Variants in ZNF540 observed in about 807,000 individuals in gnomAD.
The protein encoded by ZNF540 is CTD-3064H18.6.
Under a neutral mutation model 11.8 loss-of-function variants are expected in ZNF540, and 3 were observed. The observed-to-expected ratio is 0.25, with a 90% confidence interval of 0.12 to 0.65. The LOEUF is 0.65. Ranked by LOEUF, ZNF540 falls within the 30% of genes least tolerant of loss-of-function variation. The pLI is 0.83. For synonymous variants in ZNF540, 247 were observed against 259.0 expected, an observed-to-expected ratio of 0.95 and a Z score of 0.45; for missense variants, 709 against 793.1, an observed-to-expected ratio of 0.89 and a Z score of 1.27.
At chr19:37,565,670 C>A (rs764552585) in intron 1 of ZNF540, 2 of 1,613,500 alleles carry the variant, frequency 1.2e-6, no homozygotes, top group Admixed American at 3.3e-5. Context: ...ACATTTCTTA[C>A]ATTCATATGG....
upstream of ZNF540, among the ~76,000 whole-genome samples, chr19:37,593,602 C>A (rs1309512166): frequency 6.6e-6 from 1 of 152,078 alleles, no homozygotes; most frequent in Non-Finnish European, 1.5e-5. Flanking sequence ...ACTCGGGAGG[C>A]TTAGGCAGGA....
intron 1 of ZNF540, chr19:37,586,628 A>G: frequency 6.2e-7 from 1 of 1,613,152 alleles, no homozygotes; most frequent in Non-Finnish European, 8.5e-7. Context: ...TTACACAACA[A>G]AATGATTGTA....
chr19:37,565,675 A>T (rs1365703464), intron 1 of ZNF540: 1 of 1,613,660 alleles, frequency 6.2e-7, no homozygotes, highest in East Asian at 2.2e-5. Flanking sequence ...TCTTACATTC[A>T]TATGGTTTCT....
chr19:37,577,434 C>CA (rs1345239104), intron 1 of ZNF540, among the ~76,000 whole-genome samples: 2 of 152,090 alleles, frequency 1.3e-5, no homozygotes, highest in Non-Finnish European at 2.9e-5. Context: ...TTACTCACAA[C>CA]ATAAAGTATA....
rs2044139717 is a variant in ZNF540, at chr19:37,612,512, T to C, written c.1232T>C (p.Phe411Ser). The C allele has an allele frequency of 6.2e-7, 1 of 1,614,120 alleles. No individual in the cohort carries two copies. Among genetic ancestry groups the C allele is most frequent in the Non-Finnish European group, 8.5e-7 (1 of 1,180,008 alleles). Residue 411 changes from phenylalanine to serine, a missense_variant, in exon 5 of 5, where the codon TTT becomes TCT. Coordinates refer to ENST00000316433, the MANE Select transcript of ZNF540 (RefSeq NM_001172225.3). ...ACAATCCATACTGGTATAAAACCTT[T>C]TGCATGTAAGGTGTGTGAGAAGGCT... Reference protein sequence around the residue: ...HKTIHTGIKPFACKVCEKAFS... With the variant: ...HKTIHTGIKPSACKVCEKAFS...
chr19:37,578,840 G>T (rs927654834), intron 1 of ZNF540, among the ~76,000 whole-genome samples: 14 of 152,334 alleles, frequency 9.2e-5, no homozygotes, highest in African/African-American at 3.4e-4. Flanking sequence ...CTAAACTCTG[G>T]TGGCCTGAGG....
In ZNF540 at chr19:37,613,253, A is replaced by G; in HGVS notation, c.1973A>G (p.Asn658Ser). 6.7e-7 allele frequency: 1 copy of G among 1,492,412 alleles called. No individual in the cohort carries two copies. The highest frequency in any genetic ancestry group is 1.4e-5 in the African/African-American group (1 of 71,622). 92.4% of individuals were successfully genotyped at this position (1,492,412 alleles called of 1,614,324 possible). A position where few individuals can be genotyped will look rare whatever the true frequency, so the allele number is the denominator to read the frequency against. The change falls in exon 5 of 5, where the codon AAT becomes AGT. Residue 658 changes from asparagine (N) to serine (S), a missense_variant. Physicochemically the swap from Asn to Ser is conservative, Grantham distance 46. Coordinates refer to ENST00000316433, the MANE Select transcript of ZNF540 (RefSeq NM_001172225.3). ...SHLYQHQKTH[N>S]VI ...CTTTATCAACATCAGAAAACTCATAATGTAATTTAATATAAGAAAAGGTTT... is the reference window on the plus strand; with the variant it reads ...CTTTATCAACATCAGAAAACTCATAGTGTAATTTAATATAAGAAAAGGTTT...
At chr19:37,556,119 G>A in intron 1 of ZNF540, 1 of 702,710 alleles carries the variant, frequency 1.4e-6, no homozygotes, top group Non-Finnish European at 2.6e-6. Context: ...TCCTGCTTTT[G>A]GGACCGGCAG....
chr19:37,580,401 T>G (rs564358148), intron 1 of ZNF540, among the ~76,000 whole-genome samples: 1 of 152,370 alleles, frequency 6.6e-6, no homozygotes, highest in South Asian at 2.1e-4. Context: ...AAATCCATTT[T>G]GTATTTGTAG....
chr19:37,608,352 G>C (rs1411790520), intron 4 of ZNF540, among the ~76,000 whole-genome samples: 1 of 152,094 alleles, frequency 6.6e-6, no homozygotes, highest in Non-Finnish European at 1.5e-5. Flanking sequence ...TTCTATTACA[G>C]TGTTTTTGAT....
chr19:37,561,263 G>T (rs532469485), intron 1 of ZNF540, among the ~76,000 whole-genome samples: 1 of 151,992 alleles, frequency 6.6e-6, no homozygotes, highest in South Asian at 2.1e-4. Context: ...TTATAAAATT[G>T]ATCTAGACAA....
chr19:37,594,862 T>G (rs1026355714), upstream of ZNF540: 3 of 152,252 alleles, frequency 2.0e-5, no homozygotes, highest in Admixed American at 6.5e-5. Context: ...GGATCGTGTC[T>G]GCGCAGGCCC....
In ZNF540 at chr19:37,612,709, C is replaced by T. The variant is rs765065304; in HGVS notation, c.1429C>T (p.Arg477Ter). The T allele has an allele frequency of 1.5e-5, 24 of 1,613,634 alleles. 1 individual carries two copies. The Admixed American group carries it at 1.8e-4, about 12-fold the overall frequency. Residue 477 changes from arginine (R) to a stop codon, truncating the protein, a stop_gained, in exon 5 of 5, where the codon CGA becomes TGA. Transcript: ENST00000316433. LOFTEE classifies it low-confidence loss of function (END_TRUNC). ...ATGTAAGGAATGTGGGAAGACCTTT[C>T]GAGTTCGTTCTCAAATTAGTCTACA... ...YECKECGKTF[R>*]VRSQISLHKK...
chr19:37,578,243 G>A (rs757367876), intron 1 of ZNF540, among the ~76,000 whole-genome samples: 6 of 152,184 alleles, frequency 3.9e-5, no homozygotes, highest in Non-Finnish European at 8.8e-5. Context: ...AGAAGACCAT[G>A]TCAGGATTTA....
At chr19:37,584,236 C>G (rs2043581155) in intron 1 of ZNF540, 1 of 1,106,064 alleles carries the variant, frequency 9.0e-7, no homozygotes, top group Non-Finnish European at 1.3e-6. Flanking sequence ...TAGTATTAAC[C>G]TGATTCTCTA....
chr19:37,552,274 G>C (rs2042613710), intron 1 of ZNF540, among the ~76,000 whole-genome samples: 1 of 152,050 alleles, frequency 6.6e-6, no homozygotes. Context: ...TCAATATATT[G>C]ACAATTTATG....
chr19:37,573,720 A>G (rs2043145022), intron 1 of ZNF540, among the ~76,000 whole-genome samples: 1 of 151,142 alleles, frequency 6.6e-6, no homozygotes, highest in East Asian at 1.9e-4. Context: ...CTGTAGTCCC[A>G]GCTACTCAGG....
intron 1 of ZNF540, chr19:37,586,698 T>G (rs1418298563): frequency 6.2e-7 from 1 of 1,614,084 alleles, no homozygotes. Flanking sequence ...ACTGATCAAT[T>G]TTCTGGGTTC....
intron 1 of ZNF540, among the ~76,000 whole-genome samples, chr19:37,580,572 C>T (rs987864446): frequency 4.6e-5 from 7 of 152,152 alleles, no homozygotes; most frequent in African/African-American, 9.7e-5. Context: ...CCCAGTATGG[C>T]GTCTTGGGGG....
Sources: gnomAD v4.1 joint callset for allele counts (sites outside exome capture counted in the v4.1 genomes callset) on GRCh38, gnomAD v4.1.1 for gene constraint, MANE v1.5 for transcripts, NCBI Gene and HGNC (gene_info 2026-07-23, HGNC 2026-07-21) for gene names.